Variants in OTUD3 observed in about 807,000 individuals in gnomAD.
OTUD3 encodes the protein OTU deubiquitinase 3.
A neutral mutation model predicts 46.2 loss-of-function variants in OTUD3; 24 were observed. The observed-to-expected ratio is 0.52, with a 90% CI of 0.38 to 0.73. The LOEUF is 0.73. Ranked by LOEUF, OTUD3 falls within the 30% of genes least tolerant of loss-of-function variation. The pLI is 0.00. For missense variants in OTUD3, 455 were observed against 523.3 expected (o/e 0.87, Z 1.27); for synonymous variants, 189 against 195.4 (o/e 0.97, Z 0.27).
At chr1:19,896,400 TGTAA>T (rs2045519198) in intron 3 of OTUD3, among the ~76,000 whole-genome samples, 2 of 152,012 alleles carry the variant, frequency 1.3e-5, no homozygotes, top group Non-Finnish European at 2.9e-5. Flanking sequence ...TTATTAGGTA[TGTAA>T]GTGCTTTAGG....
intron 4 of OTUD3, among the ~76,000 whole-genome samples, chr1:19,900,590 G>C (rs2045573314): frequency 6.6e-6 from 1 of 152,090 alleles, no homozygotes; most frequent in Non-Finnish European, 1.5e-5. Flanking sequence ...TTTCCCTTGT[G>C]ATTACCTAGT....
intron 1 of OTUD3, among the ~76,000 whole-genome samples, chr1:19,887,747 A>G (rs2045387884): frequency 6.6e-6 from 1 of 152,196 alleles, no homozygotes; most frequent in Admixed American, 6.5e-5. Context: ...CATCACTAGT[A>G]GTTCTTCATA....
In OTUD3 at chr1:19,882,588, C is replaced by T. The variant is rs770190826; in HGVS notation, c.75C>T (p.Asp25=). Residue 25 remains aspartate, a synonymous_variant, in exon 1 of 8, where the codon GAC becomes GAT. Coordinates refer to ENST00000375120, the MANE Select transcript of OTUD3 (RefSeq NM_015207.2). ...SRKAEAERKR[D]ERAARRALAK... ...AAGCCGAGGCCGAGCGCAAGCGGGA[C>T]GAGCGGGCGGCGCGCCGGGCCCTGG... 3 of 1,415,280 alleles carry T rather than the reference C, an allele frequency of 2.1e-6. No individual in the cohort carries two copies. In the East Asian group the frequency reaches 9.1e-5, roughly 43 times the overall value. The allele number at this position is 1,415,280 out of a possible 1,614,324, so 87.7% of individuals were successfully genotyped here.
At chr1:19,902,406 C>T (rs192319820) in intron 4 of OTUD3, among the ~76,000 whole-genome samples, 3 of 152,202 alleles carry the variant, frequency 2.0e-5, no homozygotes, top group African/African-American at 7.2e-5. Flanking sequence ...AGGGTTTCAT[C>T]GTGTTAGCCA....
At chr1:19,894,335 A>G in intron 2 of OTUD3, 33 bp from the exon 3 acceptor site, 1 of 1,298,710 alleles carries the variant, frequency 7.7e-7, no homozygotes, top group South Asian at 1.3e-5. Context: ...TTCCACTATA[A>G]AGACGTCATT....
intron 6 of OTUD3, among the ~76,000 whole-genome samples, chr1:19,905,538 T>TGAGACCA (rs2045648397): frequency 6.6e-6 from 1 of 151,862 alleles, no homozygotes; most frequent in Non-Finnish European, 1.5e-5. Flanking sequence ...GTCAGGAGTT[T>TGAGACCA]GAGACCAGCC....
intron 4 of OTUD3, among the ~76,000 whole-genome samples, chr1:19,903,171 C>T (rs1386939583): frequency 1.3e-5 from 2 of 150,548 alleles, no homozygotes; most frequent in Non-Finnish European, 3.0e-5. Flanking sequence ...GCTCAGCCTC[C>T]TGAATAGCTG....
intron 1 of OTUD3, among the ~76,000 whole-genome samples, chr1:19,888,030 A>G (rs184358055): frequency 4.9e-4 from 75 of 152,314 alleles, no homozygotes; most frequent in African/African-American, 1.6e-3. Context: ...GAGACCTGCC[A>G]TATATCCCTA....
rs2045695405 is a variant in OTUD3 at position 19,908,609 on chromosome 1, T to G, written c.*863T>G. The G allele has an allele frequency of 6.6e-6, 1 of 152,324 alleles. No homozygotes were observed. The highest frequency in any genetic ancestry group is 2.1e-4 in the South Asian group (1 of 4,824). 9.4% of individuals were successfully genotyped at this position (152,324 alleles called of 1,614,324 possible). The stretch of plus-strand genomic sequence containing the variant: ...GGAGACGAACTCCTGGGGTTTTGCC[T>G]AAGAGGAGTCTAAAGAATTATGTTT... On this transcript the variant is annotated 3_prime_UTR_variant, in exon 8 of 8. Coordinates refer to ENST00000375120, the MANE Select transcript of OTUD3 (RefSeq NM_015207.2).
At chr1:19,905,746 AAAG>A (rs1316264171) in intron 6 of OTUD3, among the ~76,000 whole-genome samples, 2 of 152,214 alleles carry the variant, frequency 1.3e-5, no homozygotes. Context: ...CTCTCAAAAA[AAAG>A]AGAAAAGGAT....
Position 19,901,245 on chromosome 1 carries a change from TAA to T in OTUD3, c.607-3021_607-3020del, listed in dbSNP as rs200265228. On this transcript the variant is annotated intron_variant, in intron 4 of 7. Coordinates refer to ENST00000375120, the MANE Select transcript of OTUD3 (RefSeq NM_015207.2). ...TTTTAAAATTGGAATCTCATTAAAT[TAA>T]TAGAGTAATTTAAGGAAAAGCTGAC... is the stretch of plus-strand genomic sequence containing the variant. Among the ~76,000 whole-genome samples, 816 of 152,300 alleles carry T rather than the reference TAA, an allele frequency of 5.4e-3. 12 individuals are homozygous for T. Among genetic ancestry groups the T allele is most frequent in the African/African-American group, 0.018 (762 of 41,564 alleles).
intron 5 of OTUD3, 91 bp from the exon 6 acceptor site, chr1:19,904,799 TC>T: frequency 1.4e-6 from 1 of 691,102 alleles, no homozygotes; most frequent in South Asian, 1.8e-5. Context: ...CACTATTACA[TC>T]TTTATGTTTA....
intron 3 of OTUD3, among the ~76,000 whole-genome samples, chr1:19,896,529 C>T (rs761629812): frequency 2.6e-5 from 4 of 152,164 alleles, no homozygotes; most frequent in Non-Finnish European, 5.9e-5. Flanking sequence ...TTGAGATCTG[C>T]GTATTCTACT....
intron 2 of OTUD3, among the ~76,000 whole-genome samples, chr1:19,894,123 T>A (rs1430920026): frequency 6.6e-6 from 1 of 152,260 alleles, no homozygotes; most frequent in Non-Finnish European, 1.5e-5. Context: ...ATATTGGAAG[T>A]AATCAGTAAA....
Position 19,906,489 on chromosome 1 carries a change from GGGA to G in OTUD3, c.899_901del (p.Glu300del), listed in dbSNP as rs1459758820. The G allele has an allele frequency of 6.2e-7, 1 of 1,613,996 alleles. No homozygotes were observed. Among genetic ancestry groups the G allele is most frequent in the Admixed American group, 1.7e-5 (1 of 60,004 alleles). On this transcript the variant is annotated inframe_deletion, in exon 7 of 8. Coordinates refer to ENST00000375120, the MANE Select transcript of OTUD3 (RefSeq NM_015207.2). ...GTGCTGAAGCAGTGTGGCCCTTTGT[GGGA>G]GGAGGGTGGCAGTGGTGCCAGAATC...
intron 3 of OTUD3, among the ~76,000 whole-genome samples, chr1:19,894,944 A>G (rs1457645607): frequency 6.6e-6 from 1 of 152,220 alleles, no homozygotes; most frequent in Non-Finnish European, 1.5e-5. Flanking sequence ...GAAAATTGAA[A>G]AAGCTCGTAA....
At chr1:19,896,573 G>C (rs1031759072) in intron 3 of OTUD3, among the ~76,000 whole-genome samples, 1 of 152,126 alleles carries the variant, frequency 6.6e-6, no homozygotes, top group Non-Finnish European at 1.5e-5. Context: ...ATCTAGACTT[G>C]TGTGCTTCCT....
In OTUD3 at chr1:19,912,828, TG is replaced by T. The variant is rs2045749531; in HGVS notation, c.*5083del. On this transcript the variant is annotated 3_prime_UTR_variant, in exon 8 of 8. Coordinates refer to ENST00000375120, the MANE Select transcript of OTUD3 (RefSeq NM_015207.2). ...TATTTGCAGTGTTTTCAAAACCAAA[TG>T]TTTCTTTTTTTGTGTTTTTAATCTT... 1.3e-5 allele frequency: 2 copies of T among 152,364 alleles called. No individual in the cohort carries two copies. Among genetic ancestry groups the T allele is most frequent in the African/African-American group, 4.8e-5 (2 of 41,460 alleles). 9.4% of individuals were successfully genotyped at this position (152,364 alleles called of 1,614,324 possible).
At chr1:19,901,581 A>G (rs1245337533) in intron 4 of OTUD3, among the ~76,000 whole-genome samples, 2 of 152,228 alleles carry the variant, frequency 1.3e-5, no homozygotes, top group Admixed American at 6.5e-5. Flanking sequence ...TACTCAGTAC[A>G]TCTGCAGTGT....
Sources: allele counts gnomAD v4.1 joint callset (sites outside exome capture counted in the v4.1 genomes callset), GRCh38; gene constraint gnomAD v4.1.1; transcripts MANE v1.5; gene names NCBI Gene and HGNC (gene_info 2026-07-23, HGNC 2026-07-21).